DNAAF4: variants seen among roughly 807,000 people sequenced by gnomAD.
DNAAF4 encodes dynein assembly factor 4, axonemal.
Under a neutral mutation model 51.8 loss-of-function variants are expected in DNAAF4, and 43 were observed. The ratio of observed to expected loss-of-function variants is 0.83; its 90% CI spans 0.65 to 1.07. The LOEUF (loss-of-function observed/expected upper bound fraction) is 1.07, where lower values mean the gene tolerates loss of function less well. Among genes scored for constraint, DNAAF4 ranks in the 50% least tolerant of loss-of-function variants. DNAAF4 has a pLI of 0.00. For missense variants in DNAAF4, 581 were observed against 493.0 expected (o/e 1.18, Z -1.69); for synonymous variants, 194 against 165.6 (o/e 1.17, Z -1.32).
At chr15:55,431,377 C>T (rs1284670612) in intron 9 of DNAAF4, among the ~76,000 whole-genome samples, 1 of 151,626 alleles carries the variant, frequency 6.6e-6, no homozygotes, top group African/African-American at 2.4e-5. Context: ...CACACACACA[C>T]ACACACACAC....
chr15:55,486,504 C>T (rs993040063), intron 4 of DNAAF4, among the ~76,000 whole-genome samples: 14 of 152,064 alleles, frequency 9.2e-5, no homozygotes, highest in Non-Finnish European at 1.8e-4. Context: ...GACCCTGCTT[C>T]TTTACCAAGC....
intron 5 of DNAAF4, among the ~76,000 whole-genome samples, chr15:55,459,334 C>T (rs1391254164): frequency 6.6e-6 from 1 of 151,992 alleles, no homozygotes; most frequent in East Asian, 1.9e-4. Flanking sequence ...GCCAGCACTA[C>T]AATAAATGCT....
intron 6 of DNAAF4, among the ~76,000 whole-genome samples, 190 bp downstream of exon 6, chr15:55,450,032 C>T (rs2057909523): frequency 6.6e-6 from 1 of 152,044 alleles, no homozygotes; most frequent in African/African-American, 2.4e-5. Flanking sequence ...ATTCTCTTAT[C>T]ACTATTCTGG....
chr15:55,491,302 C>T (rs1258251084), intron 3 of DNAAF4, 46 bp from the exon 4 acceptor site: 1 of 1,572,156 alleles, frequency 6.4e-7, no homozygotes, highest in East Asian at 2.3e-5. Context: ...GACAAATTTG[C>T]TTTACTTATG....
intron 3 of DNAAF4, among the ~76,000 whole-genome samples, chr15:55,493,799 G>T (rs2141593331): frequency 6.6e-6 from 1 of 152,218 alleles, no homozygotes; most frequent in South Asian, 2.1e-4. Context: ...CACCTCTTGG[G>T]CTCAAGTGAT....
chr15:55,466,717 C>T (rs1453634153), intron 5 of DNAAF4, among the ~76,000 whole-genome samples: 2 of 152,134 alleles, frequency 1.3e-5, no homozygotes, highest in Admixed American at 1.3e-4. Context: ...CTCTTCTTTT[C>T]GAATCCTTGA....
At chr15:55,476,873 GA>G (rs1198021437) in intron 4 of DNAAF4, among the ~76,000 whole-genome samples, 4 of 152,032 alleles carry the variant, frequency 2.6e-5, no homozygotes, top group African/African-American at 9.7e-5. Flanking sequence ...TGTGCAAGAC[GA>G]AATGAGTTCT....
In DNAAF4 at chr15:55,433,821, T is replaced by A. The variant is rs867673679; in HGVS notation, c.1047+1084A>T. The stretch of plus-strand genomic sequence containing the variant: ...TTTGTTTTATATATATAATATATAT[T>A]ATATATATTACATATATTATATATT... On this transcript the variant is annotated intron_variant, in intron 8 of 9. Transcript: ENST00000321149. Among the ~76,000 whole-genome samples the A allele has an allele frequency of 7.4e-3, 634 of 86,012 alleles. 13 individuals carry two copies. The highest frequency in any genetic ancestry group is 0.027 in the African/African-American group (616 of 22,670). 56.4% of individuals were successfully genotyped at this position (86,012 alleles called of 152,430 possible). A position where few individuals can be genotyped will look rare whatever the true frequency, so the allele number is the denominator to read the frequency against.
intron 5 of DNAAF4, among the ~76,000 whole-genome samples, chr15:55,455,764 T>C (rs1259461495): frequency 1.3e-5 from 2 of 152,102 alleles, no homozygotes; most frequent in Non-Finnish European, 2.9e-5. Context: ...CAAGCCTCAC[T>C]GTTAAAGTTG....
Position 55,419,446 on chromosome 15 carries a change from C to A in DNAAF4, c.1048-1313G>T, listed in dbSNP as rs564575906. 2.6e-4 allele frequency among the ~76,000 whole-genome samples: 39 copies of A among 150,166 alleles called. 1 individual carries two copies. Among genetic ancestry groups the A allele is most frequent in the African/African-American group, 9.6e-4 (39 of 40,782 alleles). Reference sequence around the variant, plus strand: ...GTAGATGGAGTCTCACTGTGTTGCCCAGGCTGATCTCAAACTCCTGTCCTC... The same window carrying A: ...GTAGATGGAGTCTCACTGTGTTGCCAAGGCTGATCTCAAACTCCTGTCCTC... On this transcript the variant is annotated intron_variant, in intron 7 of 7. Coordinates refer to the DNAAF4 transcript ENST00000448430.
At chr15:55,483,817 C>T (rs189007730) in intron 4 of DNAAF4, among the ~76,000 whole-genome samples, 3,238 of 135,424 alleles carry the variant, frequency 0.024, 149 homozygotes, top group African/African-American at 0.086. Context: ...TGAGCCATCA[C>T]ACCCAGCCAA....
chr15:55,456,760 TCA>T (rs919483419), intron 5 of DNAAF4, among the ~76,000 whole-genome samples: 12 of 152,266 alleles, frequency 7.9e-5, no homozygotes, highest in African/African-American at 2.9e-4. Context: ...AAAATCCAGA[TCA>T]CAGGGGAAGG....
chr15:55,498,184 G>C, intron 2 of DNAAF4, 23 bp downstream of exon 2: 4 of 1,614,014 alleles, frequency 2.5e-6, no homozygotes, highest in Non-Finnish European at 3.4e-6. Flanking sequence ...CCGGAGACCG[G>C]CAGGCAAGAC....
intron 1 of DNAAF4, among the ~76,000 whole-genome samples, chr15:55,505,521 G>A (rs2058722472): frequency 6.6e-6 from 1 of 152,116 alleles, no homozygotes; most frequent in Non-Finnish European, 1.5e-5. Context: ...CAACCCAAAT[G>A]TCCATCAATA....
intron 7 of DNAAF4, among the ~76,000 whole-genome samples, chr15:55,425,250 C>T (rs1261658312): frequency 1.3e-5 from 2 of 152,210 alleles, no homozygotes; most frequent in African/African-American, 4.8e-5. Flanking sequence ...TATCTGATCA[C>T]CCTTGATATT....
At chr15:55,453,341 A>G (rs1032034038) in intron 5 of DNAAF4, among the ~76,000 whole-genome samples, 1 of 152,150 alleles carries the variant, frequency 6.6e-6, no homozygotes, top group Non-Finnish European at 1.5e-5. Context: ...ACAATTCACA[A>G]GAGGAAACAA....
chr15:55,427,223 A>C (rs58507025), downstream of DNAAF4, among the ~76,000 whole-genome samples: 26,759 of 151,784 alleles, frequency 0.18, 4,043 homozygotes, highest in African/African-American at 0.41. Context: ...CCGCCACCAC[A>C]CCCGGCTGAT....
chr15:55,423,710 T>C (rs2057406787), intron 7 of DNAAF4, among the ~76,000 whole-genome samples: 1 of 152,150 alleles, frequency 6.6e-6, no homozygotes, highest in Admixed American at 6.5e-5. Flanking sequence ...CTCAGCACTT[T>C]GGGAGGCTAA....
intron 2 of DNAAF4, 57 bp downstream of exon 2, chr15:55,498,150 T>C (rs1231011664): frequency 1.2e-6 from 2 of 1,611,356 alleles, no homozygotes; most frequent in African/African-American, 1.3e-5. Flanking sequence ...AGCTGCGCTC[T>C]TGCAGAAGCT....
Sources: allele counts gnomAD v4.1 joint callset (sites outside exome capture counted in the v4.1 genomes callset), GRCh38; gene constraint gnomAD v4.1.1; transcripts MANE v1.5; gene names NCBI Gene and HGNC (gene_info 2026-07-23, HGNC 2026-07-21).